The following BCR variants were observed in gnomAD, a reference collection of about 807,000 sequenced individuals.
BCR encodes the protein breakpoint cluster region protein.
BCR carries 58 observed loss-of-function variants against 138.6 expected under a neutral mutation model. The observed-to-expected ratio is 0.42, with a 90% CI of 0.34 to 0.52. BCR has a LOEUF of 0.52. BCR is among the 20% of genes least tolerant of loss of function. The probability of loss-of-function intolerance (pLI) is 0.06; values close to 1 mark genes in which losing one functional copy is unlikely to be tolerated. For missense variants in BCR, 1,599 were observed against 1,727.2 expected, an observed-to-expected ratio of 0.93 and a Z score of 1.32; for synonymous variants, 786 against 730.1, an observed-to-expected ratio of 1.08 and a Z score of -1.23.
At chr22:23,199,363 C>G in intron 1 of BCR, 1 of 512,958 alleles carries the variant, frequency 1.9e-6, no homozygotes, top group Non-Finnish European at 3.9e-6. Flanking sequence ...GTGAGCCCCG[C>G]GGTTGCTTAT....
intron 14 of BCR, among the ~76,000 whole-genome samples, chr22:23,291,306 C>T (rs1245490165): frequency 1.3e-5 from 2 of 151,770 alleles, no homozygotes; most frequent in Non-Finnish European, 2.9e-5. Context: ...GGACTAACTG[C>T]AGATGAACCC....
intron 2 of BCR, among the ~76,000 whole-genome samples, chr22:23,257,574 C>T (rs929202475): frequency 6.6e-6 from 1 of 152,248 alleles, no homozygotes; most frequent in African/African-American, 2.4e-5. Flanking sequence ...CCACCATTCC[C>T]TTCACCTCTT....
At chr22:23,236,441 A>G (rs957925974) in intron 1 of BCR, among the ~76,000 whole-genome samples, 4 of 152,318 alleles carry the variant, frequency 2.6e-5, no homozygotes, top group Admixed American at 2.6e-4. Context: ...CACTTGTCCT[A>G]ATAGACCACT....
chr22:23,200,987 G>T (rs1453551199), intron 1 of BCR, among the ~76,000 whole-genome samples: 5 of 152,242 alleles, frequency 3.3e-5, no homozygotes, highest in Admixed American at 6.5e-5. Flanking sequence ...GCCTGGTGCT[G>T]GTGGACGGGT....
At chr22:23,233,576 T>C (rs1203594461) in intron 1 of BCR, among the ~76,000 whole-genome samples, 1 of 151,860 alleles carries the variant, frequency 6.6e-6, no homozygotes, top group Non-Finnish European at 1.5e-5. Flanking sequence ...TCATTTGAGG[T>C]CAAGAGTTCG....
intron 1 of BCR, among the ~76,000 whole-genome samples, chr22:23,241,761 A>G (rs1398699726): frequency 6.6e-6 from 1 of 152,092 alleles, no homozygotes; most frequent in African/African-American, 2.4e-5. Flanking sequence ...TGACCATCGC[A>G]GAAGCCCCCA....
intron 1 of BCR, among the ~76,000 whole-genome samples, chr22:23,191,162 C>T (rs2072408731): frequency 6.6e-6 from 1 of 152,174 alleles, no homozygotes; most frequent in South Asian, 2.1e-4. Flanking sequence ...AACTCCTGGC[C>T]TCAAACGATC....
intron 16 of BCR, among the ~76,000 whole-genome samples, chr22:23,302,058 C>T (rs1030490678): frequency 2.6e-5 from 4 of 152,194 alleles, no homozygotes; most frequent in African/African-American, 7.2e-5. Flanking sequence ...GCAGGTCACC[C>T]ATCCCAATTT....
At position 23,219,690 on chromosome 22, in the gene BCR, G is replaced by A. The variant is rs144442108; in HGVS notation, c.1280-34109G>A. ...TCTCTGCTAGCTCTGAGAGTCCCCC[G>A]CCACCCCTCTGTGTGCTTCCTGCAC... On this transcript the variant is annotated intron_variant, in intron 1 of 22. Coordinates refer to ENST00000305877, the MANE Select transcript of BCR (RefSeq NM_004327.4). 6.5e-3 allele frequency among the ~76,000 whole-genome samples: 985 copies of A among 152,140 alleles called. 9 individuals carry two copies. The highest frequency in any genetic ancestry group is 0.017 in the Middle Eastern group (5 of 294).
intron 16 of BCR, among the ~76,000 whole-genome samples, chr22:23,297,762 G>T (rs1334937670): frequency 6.6e-6 from 1 of 152,204 alleles, no homozygotes; most frequent in Non-Finnish European, 1.5e-5. Context: ...GGAATCCTGG[G>T]AGTGGCTGGA....
At chr22:23,185,106 C>T (rs951614814) in intron 1 of BCR, among the ~76,000 whole-genome samples, 1 of 152,202 alleles carries the variant, frequency 6.6e-6, no homozygotes, top group Non-Finnish European at 1.5e-5. Flanking sequence ...TAGGGCCCCT[C>T]ATGGGCTCAT....
intron 1 of BCR, among the ~76,000 whole-genome samples, chr22:23,253,366 T>C (rs905072541): frequency 2.0e-5 from 3 of 152,144 alleles, no homozygotes; most frequent in Non-Finnish European, 4.4e-5. Flanking sequence ...TCTCTAATCG[T>C]GTGGTTGGTT....
At position 23,311,819 on chromosome 22, in the gene BCR, A is replaced by G. The variant is rs768751792; in HGVS notation, c.3305A>G (p.Lys1102Arg). The change falls in exon 19 of 23, where the codon AAG (lysine) becomes AGG (arginine). Residue 1102 changes from lysine (K) to arginine (R), a missense_variant. By Grantham distance (26) the Lys-to-Arg change is conservative. Transcript: ENST00000305877. ...GTGGCCACGGACATCCAGGCACTGA[A>G]GGCAGCCTTCGACGTCAGTGAGTGT... ...SGVATDIQAL[K>R]AAFDVNNKDV... The G allele has an allele frequency of 6.2e-7, 1 of 1,611,756 alleles. No homozygotes were observed.
chr22:23,221,844 C>G (rs2072828080), intron 1 of BCR, among the ~76,000 whole-genome samples: 1 of 152,182 alleles, frequency 6.6e-6, no homozygotes, highest in South Asian at 2.1e-4. Context: ...GTAATCCCAG[C>G]ACTTTGCGGG....
chr22:23,243,460 A>G (rs2073120575), intron 1 of BCR, among the ~76,000 whole-genome samples: 1 of 152,076 alleles, frequency 6.6e-6, no homozygotes, highest in Non-Finnish European at 1.5e-5. Flanking sequence ...AGGTTCAGAG[A>G]GCTTTCACGT....
At position 23,306,034 on chromosome 22, in the gene BCR, G is replaced by A. The variant is rs1487096938; in HGVS notation, c.3013-3390G>A. 2 of 152,224 alleles carry A rather than the reference G, an allele frequency of 1.3e-5. 1 individual carries two copies. Among genetic ancestry groups the A allele is most frequent in the East Asian group, 3.9e-4 (2 of 5,180 alleles). The allele number at this position is 152,224 out of a possible 1,614,324, so 9.4% of individuals were successfully genotyped here. A position where few individuals can be genotyped will look rare whatever the true frequency, so the allele number is the denominator to read the frequency against. ...TGGGATTGGCTGAGCTGAGGCACAG[G>A]CCTCATTATCATGCTATTCTTTATA... On this transcript the variant is annotated intron_variant, in intron 16 of 22. Transcript: ENST00000305877.
intron 1 of BCR, among the ~76,000 whole-genome samples, chr22:23,190,681 T>G (rs1236084402): frequency 6.6e-6 from 1 of 152,160 alleles, no homozygotes; most frequent in Non-Finnish European, 1.5e-5. Flanking sequence ...AGGAAAGGGC[T>G]GCCAGGCAGA....
chr22:23,252,232 A>G (rs1330647499), intron 1 of BCR, among the ~76,000 whole-genome samples: 1 of 152,016 alleles, frequency 6.6e-6, no homozygotes, highest in African/African-American at 2.4e-5. Flanking sequence ...CTGTAGCCCC[A>G]GTTCCCTGGG....
intron 1 of BCR, among the ~76,000 whole-genome samples, chr22:23,192,755 T>C (rs1302260101): frequency 6.6e-6 from 1 of 152,172 alleles, no homozygotes; most frequent in East Asian, 1.9e-4. Flanking sequence ...AGTCAAGGGC[T>C]GTGAATGCTG....
Sources: gnomAD v4.1 joint callset for allele counts (sites outside exome capture counted in the v4.1 genomes callset) on GRCh38, gnomAD v4.1.1 for gene constraint, MANE v1.5 for transcripts, NCBI Gene and HGNC (gene_info 2026-07-23, HGNC 2026-07-21) for gene names.